The following CPS1 variants were observed in gnomAD, a reference collection of about 807,000 sequenced individuals.
The protein encoded by CPS1 is carbamoyl-phosphate synthase 1.
Under a neutral mutation model 174.6 loss-of-function variants are expected in CPS1, and 109 were observed. The observed-to-expected ratio is 0.62, with a 90% CI of 0.53 to 0.73. The LOEUF is 0.73. Ranked by LOEUF, CPS1 falls within the 30% of genes least tolerant of loss-of-function variation. The pLI, the probability that CPS1 is intolerant of heterozygous loss-of-function variation, is 0.00. For missense variants in CPS1, 1,689 were observed against 1,821.9 expected (o/e 0.93, Z 1.33); for synonymous variants, 637 against 632.0 (o/e 1.01, Z -0.12).
At chr2:210,656,386 T>C in intron 29 of CPS1, 139 bp from the exon 30 acceptor site, 2 of 696,494 alleles carry the variant, frequency 2.9e-6, no homozygotes, top group Non-Finnish European at 5.2e-6. Flanking sequence ...TTTCTACTGC[T>C]CTCATCAGGA....
At chr2:210,622,107 TCTTATATA>T (rs1699547657) in intron 21 of CPS1, among the ~76,000 whole-genome samples, 1 of 151,572 alleles carries the variant, frequency 6.6e-6, no homozygotes, top group African/African-American at 2.4e-5. Context: ...ATAATTATAT[TCTTATATA>T]CTTTTTACTT....
chr2:210,562,693 T>C (rs1246582470), intron 1 of CPS1, among the ~76,000 whole-genome samples: 1 of 152,128 alleles, frequency 6.6e-6, no homozygotes, highest in Non-Finnish European at 1.5e-5. Context: ...AAAGCACGTA[T>C]GTTATATAGC....
intron 27 of CPS1, 51 bp downstream of exon 27, chr2:210,648,591 C>A (rs1368766654): frequency 7.2e-7 from 1 of 1,389,426 alleles, no homozygotes; most frequent in South Asian, 1.2e-5. Context: ...TTGGGAGATA[C>A]AGAAATGCAT....
chr2:210,647,816 C>A (rs368648126), intron 25 of CPS1, 47 bp from the exon 26 acceptor site: 2 of 1,587,314 alleles, frequency 1.3e-6, no homozygotes, highest in Non-Finnish European at 8.6e-7. Context: ...GTTGTCCATT[C>A]ATAATGAAGT....
At chr2:210,557,345 A>C (rs925710011) in intron 1 of CPS1, among the ~76,000 whole-genome samples, 5 of 152,106 alleles carry the variant, frequency 3.3e-5, no homozygotes, top group African/African-American at 9.7e-5. Context: ...TGAGATTTGC[A>C]GGTCATCATG....
chr2:210,635,898 A>G (rs189451634), intron 21 of CPS1, among the ~76,000 whole-genome samples: 25 of 152,344 alleles, frequency 1.6e-4, no homozygotes, highest in African/African-American at 6.0e-4. Flanking sequence ...AAAAATTTAA[A>G]CTAATACTGA....
At chr2:210,622,438 T>A (rs1220089797) in intron 21 of CPS1, among the ~76,000 whole-genome samples, 1 of 151,786 alleles carries the variant, frequency 6.6e-6, no homozygotes, top group East Asian at 1.9e-4. Flanking sequence ...CAGATTTGTT[T>A]AGAGGTGTAG....
intron 14 of CPS1, among the ~76,000 whole-genome samples, chr2:210,600,180 T>A (rs1221482761): frequency 6.6e-6 from 1 of 151,676 alleles, no homozygotes; most frequent in Non-Finnish European, 1.5e-5. Context: ...ATTTTGAGGA[T>A]AATTTTTTAG....
At chr2:210,621,182 G>T (rs1435886968) in intron 21 of CPS1, among the ~76,000 whole-genome samples, 2 of 152,096 alleles carry the variant, frequency 1.3e-5, no homozygotes, top group Non-Finnish European at 2.9e-5. Flanking sequence ...TTATAGGCTG[G>T]TGTAGTAGCA....
At chr2:210,597,228 T>C (rs1017712873) in intron 13 of CPS1, among the ~76,000 whole-genome samples, 1 of 151,880 alleles carries the variant, frequency 6.6e-6, no homozygotes, top group Non-Finnish European at 1.5e-5. Context: ...TCATCACATA[T>C]TATAAAAGCA....
chr2:210,652,728 A>G (rs928220324), intron 28 of CPS1, among the ~76,000 whole-genome samples: 4 of 152,226 alleles, frequency 2.6e-5, no homozygotes, highest in Admixed American at 2.0e-4. Flanking sequence ...TTATTATAAT[A>G]GGTTTGGAAT....
chr2:210,538,917 T>A (rs954543839), intron 1 of CPS1, among the ~76,000 whole-genome samples: 1 of 152,074 alleles, frequency 6.6e-6, no homozygotes, highest in Non-Finnish European at 1.5e-5. Context: ...GAGGAAAAAT[T>A]TATTACTATT....
At chr2:210,576,309 C>A in intron 2 of CPS1, 37 bp from the exon 3 acceptor site, 1 of 1,609,000 alleles carries the variant, frequency 6.2e-7, no homozygotes, top group East Asian at 2.2e-5. Flanking sequence ...TAGTTACATA[C>A]ATTATTTGCT....
At chr2:210,665,032 T>C (rs1267234594) in intron 33 of CPS1, among the ~76,000 whole-genome samples, 1 of 152,224 alleles carries the variant, frequency 6.6e-6, no homozygotes, top group Non-Finnish European at 1.5e-5. Flanking sequence ...AACTACTTTC[T>C]ATGGTTCTGT....
intron 21 of CPS1, chr2:210,618,901 G>A (rs1367935966): frequency 6.6e-6 from 1 of 152,130 alleles, no homozygotes; most frequent in East Asian, 1.9e-4. Flanking sequence ...TTTGGAGAGA[G>A]GCTGAGAAGA....
chr2:210,537,282 G>T (rs1166245643), intron 1 of CPS1, among the ~76,000 whole-genome samples: 3 of 152,184 alleles, frequency 2.0e-5, no homozygotes, highest in Non-Finnish European at 4.4e-5. Context: ...ACTATAACTG[G>T]TAAAACTCTT....
chr2:210,654,028 C>T lies in CPS1; in HGVS notation c.3484C>T (p.His1162Tyr). ...CCTCTGTTTTCCTTCGTGACAGGAG[C>T]ACCCAGTGGTGCTGACAAAATTTGT... ...LEEATRVSQE[H>Y]PVVLTKFVEG... is the part of the protein sequence containing the mutation. The change falls in exon 29 of 38, where the codon CAC becomes TAC. Residue 1162 changes from histidine to tyrosine, a missense_variant. Physicochemically the swap from His to Tyr is moderately conservative, Grantham distance 83 (BLOSUM62 2). Coordinates refer to ENST00000233072, the MANE Select transcript of CPS1 (RefSeq NM_001875.5). The T allele has an allele frequency of 6.2e-7, 1 of 1,613,782 alleles. No individual in the cohort carries two copies. Among genetic ancestry groups the T allele is most frequent in the Non-Finnish European group, 8.5e-7 (1 of 1,179,682 alleles).
intron 15 of CPS1, among the ~76,000 whole-genome samples, chr2:210,601,568 A>G (rs1698726535): frequency 6.6e-6 from 1 of 152,004 alleles, no homozygotes; most frequent in South Asian, 2.1e-4. Flanking sequence ...TGCCAGATTT[A>G]ATTATGTCCT....
chr2:210,502,661 C>A (rs1378979978), intron 1 of CPS1, among the ~76,000 whole-genome samples: 2 of 152,014 alleles, frequency 1.3e-5, no homozygotes, highest in Non-Finnish European at 2.9e-5. Flanking sequence ...CAACTCCACT[C>A]TAAAGGGAAG....
Sources: allele counts gnomAD v4.1 joint callset (sites outside exome capture counted in the v4.1 genomes callset), GRCh38; gene constraint gnomAD v4.1.1; transcripts MANE v1.5; gene names NCBI Gene and HGNC (gene_info 2026-07-23, HGNC 2026-07-21).